PRKAR1B: variants seen among roughly 807,000 people sequenced by gnomAD.
The protein encoded by PRKAR1B is cAMP-dependent protein kinase type I-beta regulatory subunit.
A neutral mutation model predicts 46.5 loss-of-function variants in PRKAR1B; 22 were observed. The ratio of observed to expected loss-of-function variants is 0.47; its 90% CI spans 0.34 to 0.68. PRKAR1B has a LOEUF of 0.68. PRKAR1B is among the 30% of genes least tolerant of loss of function. PRKAR1B has a pLI of 0.01. For synonymous variants in PRKAR1B, 259 were observed against 217.7 expected, an observed-to-expected ratio of 1.19 and a Z score of -1.67; for missense variants, 445 against 535.6, an observed-to-expected ratio of 0.83 and a Z score of 1.67.
At chr7:577,392 C>T (rs544077331) in intron 9 of PRKAR1B, among the ~76,000 whole-genome samples, 2 of 152,326 alleles carry the variant, frequency 1.3e-5, no homozygotes, top group Middle Eastern at 3.4e-3. Context: ...ACGCATTTCC[C>T]GATGACAGGT....
rs752478285 is a variant in PRKAR1B, at chr7:722,940, G to A, written c.-23+4270C>T. Among the ~76,000 whole-genome samples, 61 of 152,226 alleles carry A rather than the reference G, an allele frequency of 4.0e-4. 1 individual carries two copies. Among genetic ancestry groups the A allele is most frequent in the South Asian group, 2.3e-3 (11 of 4,826 alleles). ...GGTCTGTCATTCCAACAGCAGTTTC[G>A]TCTTCAGAGCCCTGGCACTGCCCTC... is the stretch of plus-strand genomic sequence containing the variant. On this transcript the variant is annotated intron_variant, in intron 1 of 10. Coordinates refer to ENST00000537384, the MANE Select transcript of PRKAR1B (RefSeq NM_001164760.2).
At chr7:565,386 A>C (rs915851879) in intron 9 of PRKAR1B, 66 of 152,166 alleles carry the variant, frequency 4.3e-4, no homozygotes, top group African/African-American at 1.5e-3. Context: ...GCCAGCTGCC[A>C]CCTCCCTGGA....
chr7:720,472 T>C (rs972415190), intron 1 of PRKAR1B, among the ~76,000 whole-genome samples: 2 of 152,224 alleles, frequency 1.3e-5, no homozygotes, highest in African/African-American at 4.8e-5. Flanking sequence ...GATTGTTGAG[T>C]GGTGTGTTCT....
At chr7:702,936 C>G (rs572291420) in intron 2 of PRKAR1B, among the ~76,000 whole-genome samples, 1 of 151,840 alleles carries the variant, frequency 6.6e-6, no homozygotes, top group East Asian at 1.9e-4. Flanking sequence ...ACAGTATTTT[C>G]TTTTTAAAAA....
chr7:642,580 C>T (rs1784441690), intron 4 of PRKAR1B, among the ~76,000 whole-genome samples: 1 of 151,768 alleles, frequency 6.6e-6, no homozygotes, highest in Non-Finnish European at 1.5e-5. Flanking sequence ...AAAAAATTAG[C>T]CGGGCGTAGT....
intron 6 of PRKAR1B, chr7:603,314 G>A (rs998725102): frequency 2.6e-5 from 4 of 152,378 alleles, no homozygotes; most frequent in Non-Finnish European, 4.4e-5. Context: ...ATCTATCAAA[G>A]CCCAGCCGCA....
chr7:695,880 G>A (rs905212968), intron 2 of PRKAR1B, among the ~76,000 whole-genome samples: 6 of 151,666 alleles, frequency 4.0e-5, no homozygotes, highest in Non-Finnish European at 8.8e-5. Context: ...TAGCCATGAT[G>A]GTCTCGATCT....
intron 9 of PRKAR1B, among the ~76,000 whole-genome samples, chr7:575,729 A>C (rs913622154): frequency 6.6e-6 from 1 of 151,768 alleles, no homozygotes; most frequent in African/African-American, 2.4e-5. Flanking sequence ...CACCTGTCTT[A>C]TGGTGCTGAT....
At chr7:711,157 G>A (rs1780602980) in intron 2 of PRKAR1B, among the ~76,000 whole-genome samples, 172 bp downstream of exon 2, 3 of 152,094 alleles carry the variant, frequency 2.0e-5, no homozygotes, top group Non-Finnish European at 4.4e-5. Context: ...AGGGACGGTG[G>A]GCCCCAGGTC....
intron 4 of PRKAR1B, among the ~76,000 whole-genome samples, chr7:647,311 G>A (rs903369215): frequency 8.6e-5 from 13 of 151,976 alleles, no homozygotes; most frequent in Non-Finnish European, 1.6e-4. Flanking sequence ...CCACTGTCCC[G>A]TCTCCAGCCC....
At chr7:619,331 T>C (rs1782992432) in intron 4 of PRKAR1B, among the ~76,000 whole-genome samples, 3 of 152,222 alleles carry the variant, frequency 2.0e-5, no homozygotes, top group African/African-American at 7.2e-5. Context: ...TGATCACTGT[T>C]GTTAAGGCCA....
intron 2 of PRKAR1B, among the ~76,000 whole-genome samples, chr7:688,095 C>CAAAAAA (rs762256783): frequency 2.9e-5 from 1 of 34,054 alleles, no homozygotes; most frequent in Non-Finnish European, 5.3e-5. Flanking sequence ...CACTCCACCT[C>CAAAAAA]AAAAAAAAAA....
chr7:616,008 A>AAGAGAGAGAGAGAGAG (rs112413656), intron 4 of PRKAR1B, among the ~76,000 whole-genome samples: 5 of 149,294 alleles, frequency 3.3e-5, no homozygotes, highest in Non-Finnish European at 7.4e-5. Context: ...AAAAGGAAGA[A>AAGAGAGAGAGAGAGAG]AGAGAGAGAG....
At chr7:571,964 C>T (rs377150522) in intron 9 of PRKAR1B, among the ~76,000 whole-genome samples, 5 of 152,220 alleles carry the variant, frequency 3.3e-5, no homozygotes, top group South Asian at 4.1e-4. Flanking sequence ...GGGTGTCCGC[C>T]GGAGGCAGGG....
intron 1 of PRKAR1B, among the ~76,000 whole-genome samples, chr7:720,825 C>T (rs913104770): frequency 2.0e-5 from 3 of 152,132 alleles, no homozygotes; most frequent in Non-Finnish European, 4.4e-5. Flanking sequence ...TTTCAATGTG[C>T]CTATGTTATT....
chr7:664,143 A>G (rs549909072), intron 4 of PRKAR1B, among the ~76,000 whole-genome samples: 1 of 152,212 alleles, frequency 6.6e-6, no homozygotes, highest in South Asian at 2.1e-4. Context: ...GCCTCTCTCC[A>G]CAGACCCCCA....
intron 1 of PRKAR1B, chr7:726,855 C>T (rs1297089962): frequency 7.6e-7 from 1 of 1,318,808 alleles, no homozygotes; most frequent in Non-Finnish European, 9.6e-7. Flanking sequence ...GCAAGCCGGG[C>T]CGGCGGCGCG....
Position 549,468 on chromosome 7 carries a change from C to G in PRKAR1B, c.*962G>C, listed in dbSNP as rs1183951492. On this transcript the variant is annotated 3_prime_UTR_variant, in exon 11 of 11. Transcript: ENST00000537384. The stretch of plus-strand genomic sequence containing the variant: ...GACCTCGCTTGTCTTTCGGGGGAAC[C>G]CAGGAATCCCCTGGGAAGCTTCTCT... The G allele has an allele frequency of 6.6e-6, 1 of 152,380 alleles. No homozygotes were observed. The highest frequency in any genetic ancestry group is 1.5e-5 in the Non-Finnish European group (1 of 68,160). 9.4% of individuals were successfully genotyped at this position (152,380 alleles called of 1,614,324 possible).
At chr7:680,868 C>T in intron 2 of PRKAR1B, 142 bp from the exon 3 acceptor site, 1 of 924,336 alleles carries the variant, frequency 1.1e-6, no homozygotes, top group East Asian at 2.9e-5. Context: ...TACGGTTAGG[C>T]TTTGTGTCCC....
Sources: gnomAD v4.1 joint callset for allele counts (sites outside exome capture counted in the v4.1 genomes callset) on GRCh38, gnomAD v4.1.1 for gene constraint, MANE v1.5 for transcripts, NCBI Gene and HGNC (gene_info 2026-07-23, HGNC 2026-07-21) for gene names.